NBPF26: variants seen among roughly 807,000 people sequenced by gnomAD.
NBPF26 encodes the protein NBPF family member NBPF26.
A neutral mutation model predicts 119.6 loss-of-function variants in NBPF26; 79 were observed. The ratio of observed to expected loss-of-function variants is 0.66; its 90% CI spans 0.55 to 0.80. NBPF26 has a LOEUF of 0.80. Among genes scored for constraint, NBPF26 ranks in the 30% least tolerant of loss-of-function variants. The pLI, the probability that NBPF26 is intolerant of heterozygous loss-of-function variation, is 0.00. For missense variants in NBPF26, 800 were observed against 1,198.2 expected, an observed-to-expected ratio of 0.67 and a Z score of 4.91; for synonymous variants, 299 against 457.7, an observed-to-expected ratio of 0.65 and a Z score of 4.43.
rs1210663137 is a variant in NBPF26, at chr1:120,817,447, G to A, written c.2371+620G>A. ...TTTTTTTTTTTTTTTTTTTTTTTTT[G>A]CGATGGAGTCTTGCTCTGTCACCCA... is the stretch of plus-strand genomic sequence containing the variant. On this transcript the variant is annotated intron_variant, in intron 14 of 29. Transcript: ENST00000620612. Among the ~76,000 whole-genome samples the A allele has an allele frequency of 7.4e-4, 7 of 9,508 alleles. No homozygotes were observed. In the East Asian group the frequency reaches 0.014, roughly 20 times the overall value. The allele number at this position is 9,508 out of a possible 152,430, so 6.2% of individuals were successfully genotyped here.
intron 15 of NBPF26, among the ~76,000 whole-genome samples, chr1:120,818,578 G>A (rs1355316485): frequency 1.6e-5 from 2 of 126,172 alleles, no homozygotes; most frequent in Non-Finnish European, 3.2e-5. Flanking sequence ...TGATGTTAGG[G>A]TGTCAATTTT....
chr1:120,798,660 C>T (rs1356250018), intron 4 of NBPF26, among the ~76,000 whole-genome samples: 3 of 23,608 alleles, frequency 1.3e-4, no homozygotes, highest in African/African-American at 3.9e-4. Context: ...GACGGAGCAT[C>T]GCTCTTTCTC....
In NBPF26 at chr1:120,747,771, T is replaced by C. The variant is rs1487149844; in HGVS notation, c.74-15857T>C. 6.6e-5 allele frequency among the ~76,000 whole-genome samples: 2 copies of C among 30,100 alleles called. 1 individual carries two copies. The highest frequency in any genetic ancestry group is 1.2e-4 in the Non-Finnish European group (2 of 16,878). The allele number at this position is 30,100 out of a possible 152,430, so 19.7% of individuals were successfully genotyped here. ...GCAGACCACTGGTCCAGAATGTAAA[T>C]TGAAGAGTTTAATGTCTAAGATATT... On this transcript the variant is annotated intron_variant, in intron 1 of 29. Coordinates refer to ENST00000620612, the Ensembl canonical transcript of NBPF26.
At chr1:120,765,837 G>A (rs1212705112) in intron 2 of NBPF26, among the ~76,000 whole-genome samples, 5,351 of 123,986 alleles carry the variant, frequency 0.043, 580 homozygotes, top group East Asian at 0.13. Flanking sequence ...GCAGGGACAT[G>A]GATGAAGCTG....
chr1:120,763,144 G>C (rs1277158223), intron 1 of NBPF26, among the ~76,000 whole-genome samples: 1 of 31,760 alleles, frequency 3.1e-5, no homozygotes, highest in Non-Finnish European at 5.6e-5. Context: ...ATTTTAGTTT[G>C]TTGAATTACT....
Position 120,793,130 on chromosome 1 carries a change from C to G in NBPF26, c.416-31C>G. The stretch of plus-strand genomic sequence containing the variant: ...ATGGGGCCATCTCCTATTTCTGTGG[C>G]CAGTACTGAGTTTTGTTATCCTTCC... On this transcript the variant is annotated intron_variant, in intron 3 of 29. Coordinates refer to ENST00000620612, the Ensembl canonical transcript of NBPF26. 8.3e-6 allele frequency: 8 copies of G among 968,984 alleles called. 1 individual carries two copies. Among genetic ancestry groups the G allele is most frequent in the Non-Finnish European group, 1.0e-5 (7 of 671,406 alleles). 60.0% of individuals were successfully genotyped at this position (968,984 alleles called of 1,614,324 possible).
At position 120,775,623 on chromosome 1, in the gene NBPF26, T is replaced by A. The variant is rs1168146290; in HGVS notation, c.156-9351T>A. ...AAGAAGGCTCCAACACTTTTCTTTC[T>A]AGAGATCTTCTTTAATTTTCAATGG... On this transcript the variant is annotated intron_variant, in intron 2 of 29. Coordinates refer to ENST00000620612, the Ensembl canonical transcript of NBPF26. Among the ~76,000 whole-genome samples, 566 of 88,008 alleles carry A rather than the reference T, an allele frequency of 6.4e-3. 116 individuals carry two copies. The highest frequency in any genetic ancestry group is 9.6e-3 in the Middle Eastern group (2 of 208). 57.7% of individuals were successfully genotyped at this position (88,008 alleles called of 152,430 possible).
Position 120,790,620 on chromosome 1 carries a change from CT to C in NBPF26, c.416-2540del, listed in dbSNP as rs1651481655. ...TTTCTCTCTCTTTCCCTCTCTCTTTCTGTCTTTCTTTCTTCTCACTCTGTTG... is the reference window on the plus strand; with the variant it reads ...TTTCTCTCTCTTTCCCTCTCTCTTTCGTCTTTCTTTCTTCTCACTCTGTTG... On this transcript the variant is annotated intron_variant, in intron 3 of 29. Transcript: ENST00000620612. Among the ~76,000 whole-genome samples, 2 of 103,584 alleles carry C rather than the reference CT, an allele frequency of 1.9e-5. 1 individual carries two copies. Among genetic ancestry groups the C allele is most frequent in the African/African-American group, 1.3e-4 (2 of 15,920 alleles). 68.0% of individuals were successfully genotyped at this position (103,584 alleles called of 152,430 possible).
Position 120,779,424 on chromosome 1 carries a change from T to C in NBPF26, c.156-5550T>C, listed in dbSNP as rs1651337358. On this transcript the variant is annotated intron_variant, in intron 2 of 29. Coordinates refer to ENST00000620612, the Ensembl canonical transcript of NBPF26. The stretch of plus-strand genomic sequence containing the variant: ...AAAATGCTCCCCAAACCTTTCTCTG[T>C]ATTCACAACCTCATCTGCGAAGTAT... 4.5e-5 allele frequency among the ~76,000 whole-genome samples: 5 copies of C among 111,052 alleles called. 1 individual carries two copies. In the Admixed American group the frequency reaches 4.5e-4, roughly 10 times the overall value. 72.9% of individuals were successfully genotyped at this position (111,052 alleles called of 152,430 possible). A position where few individuals can be genotyped will look rare whatever the true frequency, so the allele number is the denominator to read the frequency against.
rs1248628287 is a variant in NBPF26 at position 120,778,438 on chromosome 1, C to T, written c.156-6536C>T. 1.8e-5 allele frequency among the ~76,000 whole-genome samples: 2 copies of T among 111,772 alleles called. 1 individual carries two copies. The allele number at this position is 111,772 out of a possible 152,430, so 73.3% of individuals were successfully genotyped here. On this transcript the variant is annotated intron_variant, in intron 2 of 29. Transcript: ENST00000620612. Reference sequence around the variant, plus strand: ...AGGAGCAGCTTCAGTGCCGACGCAACCCACATGAGACTTTTTTTTCCCCTT... The same window carrying T: ...AGGAGCAGCTTCAGTGCCGACGCAATCCACATGAGACTTTTTTTTCCCCTT...
chr1:120,793,285 G>C, exon 4 of NBPF26: 1 of 1,393,290 alleles, frequency 7.2e-7, no homozygotes, highest in East Asian at 2.4e-5. Flanking sequence ...AGAAGTGTGA[G>C]ACTGATGTCA....
In NBPF26 at chr1:120,783,628, G is replaced by T. The variant is rs1225247724; in HGVS notation, c.156-1346G>T. On this transcript the variant is annotated intron_variant, in intron 2 of 29. Coordinates refer to ENST00000620612, the Ensembl canonical transcript of NBPF26. ...GACTTCTAGAAAACTGAACATATGGGACTGGAACAGTGTATTTTGGAGTCA... is the reference window on the plus strand; with the variant it reads ...GACTTCTAGAAAACTGAACATATGGTACTGGAACAGTGTATTTTGGAGTCA... 1.9e-5 allele frequency among the ~76,000 whole-genome samples: 2 copies of T among 104,060 alleles called. 1 individual carries two copies. The highest frequency in any genetic ancestry group is 1.2e-4 in the African/African-American group (2 of 16,154). 68.3% of individuals were successfully genotyped at this position (104,060 alleles called of 152,430 possible).
At chr1:120,724,834 G>A (rs1396675471) in intron 1 of NBPF26, among the ~76,000 whole-genome samples, 2 of 85,264 alleles carry the variant, frequency 2.3e-5, no homozygotes, top group Non-Finnish European at 4.3e-5. Context: ...CGGGGGAGCC[G>A]TGTGTGCTGC....
intron 1 of NBPF26, among the ~76,000 whole-genome samples, chr1:120,753,544 G>C (rs1651047894): frequency 7.7e-5 from 1 of 13,040 alleles, no homozygotes; most frequent in East Asian, 1.5e-3. Flanking sequence ...TACCACCCAA[G>C]GATGTTTTAA....
At chr1:120,813,303 C>T (rs1387564362) in intron 10 of NBPF26, among the ~76,000 whole-genome samples, 5 of 127,516 alleles carry the variant, frequency 3.9e-5, no homozygotes, top group Admixed American at 7.4e-5. Flanking sequence ...TCTGCTGTTT[C>T]TAAATTAACA....
intron 3 of NBPF26, 134 bp downstream of exon 3, chr1:120,785,367 G>A: frequency 3.3e-6 from 2 of 598,086 alleles, no homozygotes; most frequent in Non-Finnish European, 5.5e-6. Flanking sequence ...ATAAGGAACT[G>A]GGATGTTCCA....
intron 2 of NBPF26, among the ~76,000 whole-genome samples, chr1:120,768,607 TAA>T (rs1230103411): frequency 9.6e-6 from 1 of 103,904 alleles, no homozygotes. Context: ...ACCTTCACGA[TAA>T]AAAAAAAAAA....
chr1:120,790,301 A>G lies in NBPF26; in HGVS notation c.416-2860A>G, dbSNP rs1332394033. On this transcript the variant is annotated intron_variant, in intron 3 of 29. Coordinates refer to ENST00000620612, the Ensembl canonical transcript of NBPF26. Reference sequence around the variant, plus strand: ...AGTGCTGGGATTACAGGTGTGAGCCACCACACCGGGCCGATTCTGATCATC... The same window carrying G: ...AGTGCTGGGATTACAGGTGTGAGCCGCCACACCGGGCCGATTCTGATCATC... Among the ~76,000 whole-genome samples the G allele has an allele frequency of 5.4e-5, 6 of 111,862 alleles. 2 individuals are homozygous for G. The highest frequency in any genetic ancestry group is 3.9e-3 in the Middle Eastern group (1 of 256). The allele number at this position is 111,862 out of a possible 152,430, so 73.4% of individuals were successfully genotyped here. A position where few individuals can be genotyped will look rare whatever the true frequency, so the allele number is the denominator to read the frequency against.
rs1309576842 is a variant in NBPF26, at chr1:120,810,966, C to T, written c.1564+408C>T. Among the ~76,000 whole-genome samples, 78 of 105,790 alleles carry T rather than the reference C, an allele frequency of 7.4e-4. 16 individuals are homozygous for T. Among genetic ancestry groups the T allele is most frequent in the Non-Finnish European group, 1.1e-3 (62 of 55,382 alleles). The allele number at this position is 105,790 out of a possible 152,430, so 69.4% of individuals were successfully genotyped here. On this transcript the variant is annotated intron_variant, in intron 9 of 29. Coordinates refer to ENST00000620612, the Ensembl canonical transcript of NBPF26. The stretch of plus-strand genomic sequence containing the variant: ...TAGCTATTAATAAGTCTCGGCTGGG[C>T]GCAGTGGGTCACACCTGTAATCCGA...
Sources: allele counts gnomAD v4.1 joint callset (sites outside exome capture counted in the v4.1 genomes callset), GRCh38; gene constraint gnomAD v4.1.1; transcripts MANE v1.5; gene names NCBI Gene and HGNC (gene_info 2026-07-23, HGNC 2026-07-21).